The following PTPRT variants were observed in gnomAD, a reference collection of about 807,000 sequenced individuals.
PTPRT encodes the protein protein tyrosine phosphatase receptor type T.
Under a neutral mutation model 176.8 loss-of-function variants are expected in PTPRT, and 56 were observed. The observed-to-expected ratio is 0.32, with a 90% CI of 0.26 to 0.40. PTPRT has a LOEUF of 0.40. PTPRT is among the 10% of genes least tolerant of loss of function. PTPRT has a pLI of 1.00. For missense variants in PTPRT, 1,540 were observed against 1,908.2 expected, an observed-to-expected ratio of 0.81 and a Z score of 3.60; for synonymous variants, 783 against 739.0, an observed-to-expected ratio of 1.06 and a Z score of -0.96.
chr20:43,139,206 C>T (rs1182505199), intron 1 of PTPRT, among the ~76,000 whole-genome samples: 7 of 152,164 alleles, frequency 4.6e-5, no homozygotes, highest in Admixed American at 3.9e-4. Context: ...TCGTCCTGGC[C>T]TCCTCCCTGT....
chr20:42,721,796 C>T (rs2076307679), intron 6 of PTPRT, among the ~76,000 whole-genome samples: 1 of 152,226 alleles, frequency 6.6e-6, no homozygotes, highest in Non-Finnish European at 1.5e-5. Context: ...GCATCCCTCA[C>T]CTCCATCTCC....
rs551232060 is a variant in PTPRT at position 42,275,460 on chromosome 20, T to C, written c.2176+7029A>G. Among the ~76,000 whole-genome samples the C allele has an allele frequency of 2.6e-4, 40 of 152,306 alleles. 1 individual carries two copies. The highest frequency in any genetic ancestry group is 9.6e-4 in the African/African-American group (40 of 41,572). On this transcript the variant is annotated intron_variant, in intron 13 of 30. Coordinates refer to ENST00000373187, the MANE Select transcript of PTPRT (RefSeq NM_007050.6). Reference sequence around the variant, plus strand: ...AATTCTTATTTCTAGTTGAGAAAGATGGATTGGAACTCCCAAGGTACATGC... The same window carrying C: ...AATTCTTATTTCTAGTTGAGAAAGACGGATTGGAACTCCCAAGGTACATGC...
intron 1 of PTPRT, among the ~76,000 whole-genome samples, chr20:43,082,601 G>GT (rs1244498634): frequency 6.6e-6 from 1 of 152,036 alleles, no homozygotes; most frequent in Non-Finnish European, 1.5e-5. Context: ...CCCTCCCCCT[G>GT]TTTTTTCAGA....
chr20:42,105,418 C>T (rs1320710212), intron 24 of PTPRT, among the ~76,000 whole-genome samples: 1 of 152,160 alleles, frequency 6.6e-6, no homozygotes, highest in Non-Finnish European at 1.5e-5. Context: ...TTTGTACCTG[C>T]TGTACTCTCC....
chr20:42,581,062 G>GC (rs2073362186), intron 7 of PTPRT, among the ~76,000 whole-genome samples: 2 of 151,856 alleles, frequency 1.3e-5, no homozygotes, highest in Non-Finnish European at 2.9e-5. Flanking sequence ...TCAGCTCTAG[G>GC]CCCCCTAGCT....
At chr20:42,088,135 G>A (rs1318037437) in intron 27 of PTPRT, among the ~76,000 whole-genome samples, 9 of 152,132 alleles carry the variant, frequency 5.9e-5, no homozygotes, top group Admixed American at 5.2e-4. Flanking sequence ...CTGCAGGCTC[G>A]CTGGGGACCA....
intron 9 of PTPRT, among the ~76,000 whole-genome samples, chr20:42,436,546 GAGGGTTTGAAATCAT>G (rs1469752065): frequency 6.6e-6 from 1 of 152,208 alleles, no homozygotes; most frequent in Admixed American, 6.5e-5. Flanking sequence ...AAATGTTGGA[GAGGGTTTGAAATCAT>G]AGGCACTCAT....
At chr20:42,505,082 T>C (rs2071820447) in intron 7 of PTPRT, among the ~76,000 whole-genome samples, 1 of 131,524 alleles carries the variant, frequency 7.6e-6, no homozygotes, top group Non-Finnish European at 1.5e-5. Context: ...TCTACTGAAC[T>C]TGCTCTTCCC....
intron 27 of PTPRT, among the ~76,000 whole-genome samples, chr20:42,095,834 C>A (rs1452442857): frequency 6.6e-6 from 1 of 152,120 alleles, no homozygotes; most frequent in African/African-American, 2.4e-5. Flanking sequence ...AGCAGATGCC[C>A]AACAAATATG....
intron 1 of PTPRT, among the ~76,000 whole-genome samples, chr20:42,953,549 G>A (rs541578953): frequency 1.3e-5 from 2 of 152,118 alleles, no homozygotes; most frequent in Non-Finnish European, 2.9e-5. Flanking sequence ...TCCTGGCGGG[G>A]GAAGTATCTT....
chr20:42,527,199 G>A (rs1383930174), intron 7 of PTPRT, among the ~76,000 whole-genome samples: 2 of 151,744 alleles, frequency 1.3e-5, no homozygotes, highest in African/African-American at 2.4e-5. Flanking sequence ...TCCTGACCTC[G>A]TGATCCGCCT....
chr20:43,096,526 G>C (rs2012175132), intron 1 of PTPRT, among the ~76,000 whole-genome samples: 1 of 152,176 alleles, frequency 6.6e-6, no homozygotes, highest in South Asian at 2.1e-4. Context: ...CCTCCTCCTG[G>C]GGCTCCTGAC....
intron 1 of PTPRT, among the ~76,000 whole-genome samples, chr20:42,954,469 T>A (rs1451842888): frequency 1.3e-5 from 2 of 152,148 alleles, no homozygotes; most frequent in African/African-American, 4.8e-5. Context: ...AGTTAAGCCA[T>A]GACCTGACGA....
intron 7 of PTPRT, among the ~76,000 whole-genome samples, chr20:42,500,946 C>T (rs1441854930): frequency 3.3e-5 from 5 of 151,568 alleles, no homozygotes; most frequent in African/African-American, 4.9e-5. Context: ...CATCTATTTA[C>T]TATTTTTACT....
chr20:43,085,485 G>A (rs1600701485), intron 1 of PTPRT, among the ~76,000 whole-genome samples: 1 of 152,156 alleles, frequency 6.6e-6, no homozygotes, highest in East Asian at 1.9e-4. Context: ...TCTGTTCTCA[G>A]CTCCTAATAA....
chr20:42,408,151 CTA>C (rs1176207139), intron 9 of PTPRT, among the ~76,000 whole-genome samples: 5 of 152,024 alleles, frequency 3.3e-5, no homozygotes, highest in Non-Finnish European at 5.9e-5. Context: ...AACTACCAAA[CTA>C]TTTTAAAGTG....
At chr20:42,915,136 G>C (rs545852174) in intron 1 of PTPRT, among the ~76,000 whole-genome samples, 1 of 152,204 alleles carries the variant, frequency 6.6e-6, no homozygotes, top group Admixed American at 6.5e-5. Flanking sequence ...TTAATGTTTC[G>C]TGGTCAGAGC....
intron 1 of PTPRT, among the ~76,000 whole-genome samples, chr20:42,997,661 T>C (rs1370363040): frequency 1.3e-5 from 2 of 152,220 alleles, no homozygotes; most frequent in Non-Finnish European, 2.9e-5. Context: ...TATGTATCAA[T>C]AGTAACTAGG....
intron 6 of PTPRT, among the ~76,000 whole-genome samples, chr20:42,717,400 C>T (rs2076241950): frequency 6.6e-6 from 1 of 152,002 alleles, no homozygotes; most frequent in Non-Finnish European, 1.5e-5. Context: ...CAACTGAAAT[C>T]AGCTGGGGAA....
Sources: allele counts gnomAD v4.1 joint callset (sites outside exome capture counted in the v4.1 genomes callset), GRCh38; gene constraint gnomAD v4.1.1; transcripts MANE v1.5; gene names NCBI Gene and HGNC (gene_info 2026-07-23, HGNC 2026-07-21).